Variants in GNAS observed in about 807,000 individuals in gnomAD.
The protein encoded by GNAS is GNAS complex locus.
GNAS carries 8 observed loss-of-function variants against 54.5 expected under a neutral mutation model. The observed-to-expected ratio is 0.15, with a 90% CI of 0.09 to 0.26. The LOEUF (loss-of-function observed/expected upper bound fraction) is 0.26. GNAS is among the 10% of genes least tolerant of loss of function. The pLI is 1.00. For missense variants in GNAS, 170 were observed against 529.8 expected (o/e 0.32, Z 6.67); for synonymous variants, 204 against 191.4 (o/e 1.07, Z -0.54).
rs945979718 is a variant in GNAS at position 58,873,059 on chromosome 20, C to G, written c.44-22553C>G. On this transcript the variant is annotated intron_variant, in intron 1 of 12. Transcript: ENST00000306090. The surrounding 1 kb of genome is among the most constrained non-coding windows in gnomAD (Gnocchi z 4.3). Reference sequence around the variant, plus strand: ...CCATCAGGAGGAGTTCAGACTCTCCCCAAGCACCAAGAGTTAGAAATGTGT... The same window carrying G: ...CCATCAGGAGGAGTTCAGACTCTCCGCAAGCACCAAGAGTTAGAAATGTGT... 1.3e-5 allele frequency among the ~76,000 whole-genome samples: 2 copies of G among 152,174 alleles called. No homozygotes were observed. The highest frequency in any genetic ancestry group is 4.8e-5 in the African/African-American group (2 of 41,440).
chr20:58,890,912 C>A (rs1038182317), upstream of GNAS: 6 of 152,144 alleles, frequency 3.9e-5, no homozygotes, highest in Non-Finnish European at 8.8e-5. Flanking sequence ...CTGTGTCTCT[C>A]GCTCTTTCGA....
rs774061506 is a variant in GNAS, at chr20:58,891,856, C to T, written c.130C>T (p.Leu44=). ...KQVYRATHRL[L]LLGAGESGKS... Reference sequence around the variant, plus strand: ...GGTCTACCGGGCCACGCACCGCCTGCTGCTGCTGGGTAAGGGCGGGCGGGG... The same window carrying T: ...GGTCTACCGGGCCACGCACCGCCTGTTGCTGCTGGGTAAGGGCGGGCGGGG... Residue 44 remains leucine (L), a synonymous_variant, in exon 1 of 13, where the codon CTG becomes TTG. Coordinates refer to ENST00000371085, the MANE Select transcript of GNAS (RefSeq NM_000516.7). The T allele has an allele frequency of 4.5e-5, 55 of 1,227,508 alleles. No homozygotes were observed. Among genetic ancestry groups the T allele is most frequent in the Non-Finnish European group, 5.5e-5 (52 of 945,250 alleles). 76.0% of individuals were successfully genotyped at this position (1,227,508 alleles called of 1,614,324 possible).
At chr20:58,900,311 T>TAG in intron 3 of GNAS, 1 of 315,412 alleles carries the variant, frequency 3.2e-6, no homozygotes, top group Non-Finnish European at 5.9e-6. Flanking sequence ...CCTTGAACCC[T>TAG]ACTAATACCT....
At chr20:58,855,839 G>C (rs2145586998) in intron 1 of GNAS, 1 of 589,796 alleles carries the variant, frequency 1.7e-6, no homozygotes, top group Non-Finnish European at 3.0e-6. Flanking sequence ...ATGATACGCT[G>C]AAGTGTCCCC....
chr20:58,861,852 T>C (rs1243952349), intron 1 of GNAS, among the ~76,000 whole-genome samples: 6 of 149,574 alleles, frequency 4.0e-5, no homozygotes, highest in African/African-American at 9.8e-5. Flanking sequence ...ATTACAGGCA[T>C]GCACTACCAC....
intron 3 of GNAS, chr20:58,900,361 A>ATTTAT (rs2090496077): frequency 4.2e-6 from 1 of 237,160 alleles, no homozygotes; most frequent in Admixed American, 5.5e-5. Context: ...GCAAGTCAAT[A>ATTTAT]TAAGTATTAA....
At chr20:58,889,428 A>G (rs993154011), upstream of GNAS, 83 of 950,700 alleles carry the variant, frequency 8.7e-5, no homozygotes, top group Non-Finnish European at 9.3e-5. Context: ...CGGGTCCGGG[A>G]CAAGGCAGGG....
At chr20:58,891,083 G>GCC (rs1169664509), upstream of GNAS, among the ~76,000 whole-genome samples, 1 of 148,130 alleles carries the variant, frequency 6.8e-6, no homozygotes, top group African/African-American at 2.5e-5. Flanking sequence ...GCGCGGAGAC[G>GCC]CCCCCTCTCC....
In GNAS at chr20:58,878,921, G is replaced by C. The variant is rs898169357; in HGVS notation, c.44-16691G>C. Among the ~76,000 whole-genome samples the C allele has an allele frequency of 1.5e-4, 19 of 129,682 alleles. No homozygotes were observed. In the East Asian group the frequency reaches 4.5e-3, roughly 31 times the overall value. 85.1% of individuals were successfully genotyped at this position (129,682 alleles called of 152,430 possible). On this transcript the variant is annotated intron_variant, in intron 1 of 12. Coordinates refer to the GNAS transcript ENST00000306090. ...GTGGTGGGGGTGCGGGTGGGGGGGG[G>C]AGGGAGACAAATCAGATGTAGAGGT...
At chr20:58,896,420 C>T (rs935327023) in intron 2 of GNAS, among the ~76,000 whole-genome samples, 7 of 152,060 alleles carry the variant, frequency 4.6e-5, no homozygotes, top group African/African-American at 1.2e-4. Flanking sequence ...CCCAGGTATC[C>T]TGGTATAGCA....
chr20:58,853,063 C>G lies in GNAS; in HGVS notation c.43+12177C>G. ...GAAGGAGCCAAGACTCCACCAGCAA[C>G]AATTGAGTTGCTTCAGCCTCAGTCT... On this transcript the variant is annotated intron_variant, in intron 1 of 12. Coordinates refer to the GNAS transcript ENST00000306090. This position sits in a 1 kb window ranked among gnomAD's most constrained non-coding sequence, Gnocchi z 4.4. The G allele has an allele frequency of 1.4e-6, 2 of 1,380,562 alleles. No homozygotes were observed. Among genetic ancestry groups the G allele is most frequent in the Non-Finnish European group, 1.9e-6 (2 of 1,072,812 alleles). The allele number at this position is 1,380,562 out of a possible 1,614,324, so 85.5% of individuals were successfully genotyped here. A position where few individuals can be genotyped will look rare whatever the true frequency, so the allele number is the denominator to read the frequency against.
intron 2 of GNAS, among the ~76,000 whole-genome samples, chr20:58,896,397 T>C (rs1001224783): frequency 6.6e-6 from 1 of 152,112 alleles, no homozygotes; most frequent in African/African-American, 2.4e-5. Flanking sequence ...CATTTTTGCC[T>C]TTGAGAAGTC....
chr20:58,855,562 G>C, intron 1 of GNAS: 1 of 718,396 alleles, frequency 1.4e-6, no homozygotes. Context: ...AGGGAGAAAA[G>C]TGGTGCCGAG....
rs1231871070 is a variant in GNAS at position 58,908,986 on chromosome 20, G to C, written c.531-176G>C. 11 of 753,324 alleles carry C rather than the reference G, an allele frequency of 1.5e-5. No individual in the cohort carries two copies. In the African/African-American group the frequency reaches 1.7e-4, roughly 12 times the overall value. The allele number at this position is 753,324 out of a possible 1,614,324, so 46.7% of individuals were successfully genotyped here. On this transcript the variant is annotated intron_variant, in intron 6 of 12. Transcript: ENST00000371085. ...TCCTGTTTGCCCTAACCTTCTTAAG[G>C]CATCAGCTTTGAGTTACAAATGTAA...
intron 1 of GNAS, chr20:58,848,857 T>G: frequency 5.0e-6 from 2 of 398,582 alleles, no homozygotes; most frequent in East Asian, 7.1e-5. Context: ...TTACTGATGT[T>G]TCAGCTCTTA....
chr20:58,864,425 G>A (rs1364992208), intron 1 of GNAS, among the ~76,000 whole-genome samples: 1 of 152,072 alleles, frequency 6.6e-6, no homozygotes, highest in Non-Finnish European at 1.5e-5. Flanking sequence ...CTCTACTAGG[G>A]CCTTCAAGAT....
chr20:58,902,315 CAT>C (rs1437385238), intron 3 of GNAS, among the ~76,000 whole-genome samples: 11 of 152,198 alleles, frequency 7.2e-5, no homozygotes, highest in African/African-American at 1.9e-4. Flanking sequence ...CCTCTAAAAA[CAT>C]AAACTCGAGA....
intron 1 of GNAS, chr20:58,850,803 T>G: frequency 2.5e-6 from 1 of 398,758 alleles, no homozygotes. Context: ...GCGCTAGCGG[T>G]CCTCGTGGTC....
intron 1 of GNAS, chr20:58,855,496 C>G (rs2086441108): frequency 4.0e-6 from 3 of 751,768 alleles, no homozygotes; most frequent in East Asian, 2.7e-5. Context: ...CCCTAACTGC[C>G]CTGGGAGCGG....
Sources: allele counts gnomAD v4.1 joint callset (sites outside exome capture counted in the v4.1 genomes callset), GRCh38; gene constraint gnomAD v4.1.1; non-coding constraint Gnocchi (gnomAD v3.1); transcripts MANE v1.5; gene names NCBI Gene and HGNC (gene_info 2026-07-23, HGNC 2026-07-21).